ICA1L: variants seen among roughly 807,000 people sequenced by gnomAD.
ICA1L encodes islet cell autoantigen 1-like protein.
In ICA1L, 50 loss-of-function variants were observed where a neutral mutation model predicts 61.3. The observed-to-expected ratio is 0.82, with a 90% CI of 0.65 to 1.03. ICA1L has a LOEUF of 1.03. Ranked by LOEUF, ICA1L falls within the 50% of genes least tolerant of loss-of-function variation. The pLI is 0.00. For missense variants in ICA1L, 508 were observed against 556.7 expected, an observed-to-expected ratio of 0.91 and a Z score of 0.88; for synonymous variants, 161 against 191.3, an observed-to-expected ratio of 0.84 and a Z score of 1.31.
chr2:202,794,628 TAAAAG>T (rs1420251220), intron 10 of ICA1L, among the ~76,000 whole-genome samples: 2 of 152,004 alleles, frequency 1.3e-5, no homozygotes, highest in Non-Finnish European at 2.9e-5. Flanking sequence ...ACTCAAATAA[TAAAAG>T]AATTCAGCTA....
In ICA1L at chr2:202,788,952, C is replaced by A; in HGVS notation, c.1121G>T (p.Ser374Ile). 1 of 1,614,140 alleles carries A rather than the reference C, an allele frequency of 6.2e-7. No individual in the cohort carries two copies. The highest frequency in any genetic ancestry group is 1.3e-5 in the African/African-American group (1 of 75,038). Residue 374 changes from serine (S) to isoleucine (I), a missense_variant, in exon 11 of 13, where the codon AGC becomes ATC. Transcript: ENST00000358299. ...CTGGGATGTGAGACTGGCACTGGGG[C>A]TCCCAAAGGCAGTCTGGCATTCTTG... ...FTQECQTAFG[S>I]PSASLTSQEP... is the part of the protein sequence containing the mutation.
At chr2:202,812,469 C>A (rs1432769512) in intron 8 of ICA1L, among the ~76,000 whole-genome samples, 1 of 151,978 alleles carries the variant, frequency 6.6e-6, no homozygotes, top group Non-Finnish European at 1.5e-5. Context: ...CCCAGCTACC[C>A]AGGAGGCTGA....
At chr2:202,796,495 A>G (rs1692929742) in intron 10 of ICA1L, among the ~76,000 whole-genome samples, 1 of 152,212 alleles carries the variant, frequency 6.6e-6, no homozygotes, top group South Asian at 2.1e-4. Flanking sequence ...CGTTGGGGGC[A>G]TACTTTTGTT....
At chr2:202,824,396 C>T (rs1339688631) in intron 3 of ICA1L, among the ~76,000 whole-genome samples, 3 of 150,472 alleles carry the variant, frequency 2.0e-5, no homozygotes, top group African/African-American at 7.3e-5. Flanking sequence ...TGAGACTCCA[C>T]CTCAAAAAAA....
At chr2:202,852,835 AT>A (rs1266638787) in intron 1 of ICA1L, among the ~76,000 whole-genome samples, 9 of 150,360 alleles carry the variant, frequency 6.0e-5, no homozygotes, top group African/African-American at 2.2e-4. Flanking sequence ...GAAAATGCTC[AT>A]CATCACTGGC....
chr2:202,813,615 C>T (rs1008548390), intron 8 of ICA1L, among the ~76,000 whole-genome samples: 3 of 152,130 alleles, frequency 2.0e-5, no homozygotes, highest in Non-Finnish European at 2.9e-5. Flanking sequence ...AACTCCAAGG[C>T]GCGTTGGGCT....
chr2:202,848,897 C>T (rs992306567), intron 1 of ICA1L, among the ~76,000 whole-genome samples: 3 of 152,008 alleles, frequency 2.0e-5, no homozygotes, highest in Admixed American at 6.5e-5. Flanking sequence ...GGGAGACAAA[C>T]GCAGAAGGCA....
chr2:202,831,212 T>C (rs1158145581), intron 1 of ICA1L, among the ~76,000 whole-genome samples: 3 of 152,216 alleles, frequency 2.0e-5, no homozygotes, highest in Non-Finnish European at 4.4e-5. Context: ...CACCATTTAA[T>C]TGCCAAACCT....
At chr2:202,844,825 A>G (rs565984274) in intron 1 of ICA1L, among the ~76,000 whole-genome samples, 1 of 152,360 alleles carries the variant, frequency 6.6e-6, no homozygotes, top group African/African-American at 2.4e-5. Flanking sequence ...GTAACTTACA[A>G]CAAAATTAAT....
intron 5 of ICA1L, among the ~76,000 whole-genome samples, chr2:202,818,353 T>C (rs183565190): frequency 1.3e-4 from 19 of 151,242 alleles, no homozygotes; most frequent in Admixed American, 1.1e-3. Flanking sequence ...GTCCTGAGAG[T>C]GGGAGGGGGT....
intron 1 of ICA1L, among the ~76,000 whole-genome samples, chr2:202,853,354 CAA>C (rs565006368): frequency 1.2e-3 from 112 of 94,308 alleles, no homozygotes; most frequent in Admixed American, 1.7e-3. Context: ...GAGACTCCGT[CAA>C]AAAAAAAAAA....
intron 10 of ICA1L, among the ~76,000 whole-genome samples, chr2:202,795,210 C>A (rs201458753): frequency 1.3e-5 from 2 of 151,346 alleles, no homozygotes; most frequent in East Asian, 2.0e-4. Flanking sequence ...AGGCTGATCT[C>A]GAACTCCCGA....
In ICA1L at chr2:202,779,611, G is replaced by A; in HGVS notation, c.1371C>T (p.Phe457=). The A allele has an allele frequency of 6.2e-7, 1 of 1,613,098 alleles. No individual in the cohort carries two copies. The highest frequency in any genetic ancestry group is 8.5e-7 in the Non-Finnish European group (1 of 1,179,630). The part of the protein sequence containing the change: ...NNGNQDMSAW[F]NLFADLDPLS... ...GTGGATCCAAGTCTGCAAACAGATT[G>A]AACCAGGCTGACATGTCTTGGTTGC... is the stretch of plus-strand genomic sequence containing the variant. Residue 457 remains phenylalanine (F), a synonymous_variant, in exon 13 of 13, where the codon TTC becomes TTT. Transcript: ENST00000358299.
At position 202,817,271 on chromosome 2, in the gene ICA1L, T is replaced by C. The variant is rs566461719; in HGVS notation, c.684+147A>G. On this transcript the variant is annotated intron_variant, in intron 6 of 12. Transcript: ENST00000358299. ...TCTCTAAGGTCTTTTTCAGAACTTT[T>C]TGACTCTCTGACTTTCATAACCTCA... is the stretch of plus-strand genomic sequence containing the variant. The C allele has an allele frequency of 5.4e-5, 34 of 624,420 alleles. No homozygotes were observed. In the Admixed American group the frequency reaches 6.5e-4, roughly 12 times the overall value. The allele number at this position is 624,420 out of a possible 1,614,324, so 38.7% of individuals were successfully genotyped here. A position where few individuals can be genotyped will look rare whatever the true frequency, so the allele number is the denominator to read the frequency against.
chr2:202,803,400 C>CAAA (rs71030990), intron 9 of ICA1L, among the ~76,000 whole-genome samples: 102 of 60,480 alleles, frequency 1.7e-3, no homozygotes, highest in Non-Finnish European at 2.5e-3. Flanking sequence ...GACTCGATCT[C>CAAA]AAAAAAAAAA....
At chr2:202,781,403 G>A in intron 12 of ICA1L, among the ~76,000 whole-genome samples, 1 of 150,966 alleles carries the variant, frequency 6.6e-6, no homozygotes, top group Non-Finnish European at 1.5e-5. Context: ...TGAAACCCCT[G>A]TCTCTACTTA....
chr2:202,832,094 T>C (rs1047619657), intron 1 of ICA1L, among the ~76,000 whole-genome samples: 3 of 152,072 alleles, frequency 2.0e-5, no homozygotes, highest in African/African-American at 7.2e-5. Context: ...TAAGTGAAGA[T>C]TTCAGCACTA....
At chr2:202,796,776 A>AGTTG (rs1692938341) in intron 10 of ICA1L, 114 bp downstream of exon 10, 1 of 581,298 alleles carries the variant, frequency 1.7e-6, no homozygotes, top group Non-Finnish European at 2.9e-6. Flanking sequence ...AGAGGCACAT[A>AGTTG]GTTGCATTCT....
At chr2:202,857,673 T>C (rs998591818) in intron 1 of ICA1L, among the ~76,000 whole-genome samples, 1 of 152,102 alleles carries the variant, frequency 6.6e-6, no homozygotes, top group Non-Finnish European at 1.5e-5. Flanking sequence ...GAAACTATCA[T>C]CAAAGTGAAC....
Sources: allele counts gnomAD v4.1 joint callset (sites outside exome capture counted in the v4.1 genomes callset), GRCh38; gene constraint gnomAD v4.1.1; transcripts MANE v1.5; gene names NCBI Gene and HGNC (gene_info 2026-07-23, HGNC 2026-07-21).